The following STPG1 variants were observed in gnomAD, a reference collection of about 807,000 sequenced individuals.
STPG1 encodes sperm tail PG-rich repeat containing 1.
In STPG1, 33 loss-of-function variants were observed where a neutral mutation model predicts 40.1. The observed-to-expected ratio is 0.82, with a 90% CI of 0.62 to 1.10. The LOEUF is 1.10. Among genes scored for constraint, STPG1 ranks in the 50% least tolerant of loss-of-function variants. STPG1 has a pLI of 0.00. For missense variants in STPG1, 396 were observed against 415.1 expected, an observed-to-expected ratio of 0.95 and a Z score of 0.40; for synonymous variants, 150 against 155.0, an observed-to-expected ratio of 0.97 and a Z score of 0.24.
At chr1:24,363,502 C>T (rs940416019) in intron 7 of STPG1, among the ~76,000 whole-genome samples, 2 of 152,168 alleles carry the variant, frequency 1.3e-5, no homozygotes, top group African/African-American at 4.8e-5. Flanking sequence ...GGTTTGAATC[C>T]CCACTTCCCC....
chr1:24,392,243 T>G (rs1642803252), intron 2 of STPG1, among the ~76,000 whole-genome samples: 1 of 152,222 alleles, frequency 6.6e-6, no homozygotes, highest in South Asian at 2.1e-4. Context: ...AAACTGAAGT[T>G]AAAAGTTCCT....
intron 7 of STPG1, among the ~76,000 whole-genome samples, chr1:24,361,330 G>C (rs1310982287): frequency 6.6e-6 from 1 of 152,206 alleles, no homozygotes; most frequent in Non-Finnish European, 1.5e-5. Flanking sequence ...CACACAGTGA[G>C]AGCTCAGTGT....
intron 1 of STPG1, among the ~76,000 whole-genome samples, chr1:24,411,375 G>C (rs72880687): frequency 1.3e-5 from 2 of 152,224 alleles, no homozygotes; most frequent in South Asian, 4.1e-4. Context: ...AACCTCTCAG[G>C]CAGCACACAC....
intron 6 of STPG1, among the ~76,000 whole-genome samples, chr1:24,370,840 T>C (rs1271225446): frequency 6.6e-6 from 1 of 151,864 alleles, no homozygotes; most frequent in South Asian, 2.1e-4. Context: ...AGGCTGGTGT[T>C]GAACTTGTGA....
At chr1:24,390,396 G>C (rs1642710502) in intron 3 of STPG1, among the ~76,000 whole-genome samples, 1 of 152,126 alleles carries the variant, frequency 6.6e-6, no homozygotes, top group Non-Finnish European at 1.5e-5. Context: ...GGGTGACACA[G>C]GAATATGATA....
intron 7 of STPG1, among the ~76,000 whole-genome samples, chr1:24,361,378 G>C (rs187998795): frequency 6.6e-6 from 1 of 152,150 alleles, no homozygotes; most frequent in Non-Finnish European, 1.5e-5. Context: ...GAAATGGCAG[G>C]CCGTGTATAT....
Position 24,379,814 on chromosome 1 carries a change from A to G in STPG1, c.301T>C (p.Leu101=), listed in dbSNP as rs148922346. The change falls in exon 5 of 9, where the codon TTG becomes CTG. Residue 101 remains leucine (L), a synonymous_variant. Coordinates refer to ENST00000337248, the MANE Select transcript of STPG1 (RefSeq NM_001199013.2). ...TCMFPSMCAR[L]DTIISKYPAA... Reference sequence around the variant, plus strand: ...GGGTATTTAGAAATGATGGTGTCCAATCGGGCGCACTGTAAGGAGACAACC... The same window carrying G: ...GGGTATTTAGAAATGATGGTGTCCAGTCGGGCGCACTGTAAGGAGACAACC... 8 of 1,613,970 alleles carry G rather than the reference A, an allele frequency of 5.0e-6. No individual in the cohort carries two copies. Among genetic ancestry groups the G allele is most frequent in the Admixed American group, 1.7e-5 (1 of 60,030 alleles).
chr1:24,404,550 T>C (rs1643344718), intron 1 of STPG1, among the ~76,000 whole-genome samples: 2 of 152,132 alleles, frequency 1.3e-5, no homozygotes, highest in Non-Finnish European at 1.5e-5. Flanking sequence ...GGGCCTGGAG[T>C]TTTCTTTGCG....
intron 2 of STPG1, among the ~76,000 whole-genome samples, chr1:24,393,744 A>G (rs1336358739): frequency 6.6e-6 from 1 of 152,334 alleles, no homozygotes; most frequent in South Asian, 2.1e-4. Flanking sequence ...AGCTGGAAAA[A>G]AAAAGTTAAA....
chr1:24,385,018 C>T (rs563627187), intron 3 of STPG1, among the ~76,000 whole-genome samples: 1 of 152,282 alleles, frequency 6.6e-6, no homozygotes, highest in South Asian at 2.1e-4. Flanking sequence ...AGAGACACAG[C>T]TAGTAAGTGG....
At chr1:24,381,498 T>A (rs1642282162) in intron 4 of STPG1, among the ~76,000 whole-genome samples, 1 of 152,212 alleles carries the variant, frequency 6.6e-6, no homozygotes, top group Non-Finnish European at 1.5e-5. Context: ...CCTGCCAGCA[T>A]GCAAATACAG....
At position 24,358,568 on chromosome 1, in the gene STPG1, T is replaced by C; in HGVS notation, c.980A>G (p.Asp327Gly). 6.2e-7 allele frequency: 1 copy of C among 1,614,134 alleles called. No individual in the cohort carries two copies. Among genetic ancestry groups the C allele is most frequent in the Non-Finnish European group, 8.5e-7 (1 of 1,179,966 alleles). ...CTACAGAACCGGGATCCATTTCTTG[T>C]CCTCGTTGTAGAGGAAGGACTGCTT... ...PGKQSFLYNE[D>G]KKWIPVL The change falls in exon 9 of 9, where the codon GAC becomes GGC. Residue 327 changes from aspartate (D) to glycine (G), a missense_variant. Coordinates refer to ENST00000337248, the MANE Select transcript of STPG1 (RefSeq NM_001199013.2).
intron 7 of STPG1, among the ~76,000 whole-genome samples, chr1:24,367,182 T>C (rs758041343): frequency 2.6e-5 from 4 of 152,134 alleles, no homozygotes; most frequent in Non-Finnish European, 1.5e-5. Flanking sequence ...CCAGATGAGG[T>C]TGGCTGGAGG....
Position 24,396,138 on chromosome 1 carries a change from T to C in STPG1, c.71-4459A>G, listed in dbSNP as rs553700827. On this transcript the variant is annotated intron_variant, in intron 2 of 8. Transcript: ENST00000337248. ...AGGTTCTTCTACTATATGTGAAGTG[T>C]TATAATATCACTTGATGGTAGACCA... Among the ~76,000 whole-genome samples, 8 of 152,322 alleles carry C rather than the reference T, an allele frequency of 5.3e-5. No homozygotes were observed. In the East Asian group the frequency reaches 1.3e-3, roughly 26 times the overall value.
At chr1:24,379,032 G>T (rs1010037272) in intron 5 of STPG1, among the ~76,000 whole-genome samples, 1 of 152,304 alleles carries the variant, frequency 6.6e-6, no homozygotes, top group Non-Finnish European at 1.5e-5. Flanking sequence ...TTTAATATTT[G>T]CATTAACACG....
chr1:24,402,105 C>T (rs908385165), intron 1 of STPG1, among the ~76,000 whole-genome samples: 2 of 152,196 alleles, frequency 1.3e-5, no homozygotes, highest in African/African-American at 4.8e-5. Flanking sequence ...AATACCACCA[C>T]AATTAAGATA....
chr1:24,382,261 T>C (rs936657613), intron 4 of STPG1, among the ~76,000 whole-genome samples: 2 of 152,208 alleles, frequency 1.3e-5, no homozygotes, highest in African/African-American at 4.8e-5. Context: ...CAAGAAGGAA[T>C]GGGCAGTGCC....
chr1:24,410,255 T>C (rs1557467061), intron 1 of STPG1, among the ~76,000 whole-genome samples: 1 of 152,204 alleles, frequency 6.6e-6, no homozygotes, highest in Non-Finnish European at 1.5e-5. Context: ...ACTATAATAA[T>C]AATGTATGTA....
At chr1:24,369,185 C>T (rs927735950) in intron 7 of STPG1, 7 of 365,396 alleles carry the variant, frequency 1.9e-5, no homozygotes, top group African/African-American at 1.5e-4. Flanking sequence ...AGGGCTTAAA[C>T]TTCCATCGGT....
Sources: allele counts gnomAD v4.1 joint callset (sites outside exome capture counted in the v4.1 genomes callset), GRCh38; gene constraint gnomAD v4.1.1; transcripts MANE v1.5; gene names NCBI Gene and HGNC (gene_info 2026-07-23, HGNC 2026-07-21).